RIPOR3: variants seen among roughly 807,000 people sequenced by gnomAD.
RIPOR3 encodes the protein family with sequence similarity 65 member C.
RIPOR3 carries 95 observed loss-of-function variants against 114.3 expected under a neutral mutation model. That is an observed-to-expected ratio of 0.83 (90% confidence interval 0.70 to 0.99). The LOEUF (loss-of-function observed/expected upper bound fraction) is 0.99. RIPOR3 is among the 50% of genes least tolerant of loss of function. RIPOR3 has a pLI of 0.00. For missense variants in RIPOR3, 1,252 were observed against 1,266.9 expected (o/e 0.99, Z 0.18); for synonymous variants, 575 against 543.8 (o/e 1.06, Z -0.80).
At chr20:50,634,129 A>G (rs1395158447) in intron 1 of RIPOR3, among the ~76,000 whole-genome samples, 3 of 151,870 alleles carry the variant, frequency 2.0e-5, no homozygotes. Flanking sequence ...CTACAGGCAC[A>G]CACCACCATT....
At chr20:50,629,916 C>G (rs895211088) in intron 2 of RIPOR3, among the ~76,000 whole-genome samples, 5 of 152,126 alleles carry the variant, frequency 3.3e-5, no homozygotes, top group Admixed American at 1.3e-4. Context: ...TGACCTTGGG[C>G]CAGTGGCTCC....
chr20:50,602,294 C>T lies in RIPOR3; in HGVS notation c.1437G>A (p.Glu479=). The T allele has an allele frequency of 6.2e-7, 1 of 1,613,224 alleles. No homozygotes were observed. Among genetic ancestry groups the T allele is most frequent in the Non-Finnish European group, 8.5e-7 (1 of 1,179,266 alleles). Residue 479 remains glutamate, a synonymous_variant, in exon 13 of 22, where the codon GAG becomes GAA. Coordinates refer to ENST00000327979, the MANE Select transcript of RIPOR3 (RefSeq NM_001290268.2). The surrounding 1 kb of genome is among the most constrained non-coding windows in gnomAD (Gnocchi z 4.3). ...GGGAGCCCTGTGGCAGGCTGGGGCT[C>T]TCCCCTCCTAAGTTCCTCCAGCCAG... ...EQPGWRNLGG[E]SPSLPQGSLF...
At chr20:50,626,686 C>T (rs891320975) in intron 2 of RIPOR3, among the ~76,000 whole-genome samples, 4 of 152,206 alleles carry the variant, frequency 2.6e-5, no homozygotes, top group African/African-American at 9.6e-5. Flanking sequence ...TTTGTGGGGT[C>T]TAGTGCGAAA....
chr20:50,671,373 C>T (rs1198337151), intron 1 of RIPOR3, among the ~76,000 whole-genome samples: 1 of 151,986 alleles, frequency 6.6e-6, no homozygotes, highest in Non-Finnish European at 1.5e-5. Flanking sequence ...ACAGTGACTT[C>T]CACCTTTCTC....
intron 1 of RIPOR3, among the ~76,000 whole-genome samples, chr20:50,638,801 T>C (rs1013959320): frequency 4.0e-4 from 61 of 152,046 alleles, no homozygotes; most frequent in African/African-American, 1.4e-3. Context: ...TCTCCAGCTG[T>C]AGGAGCAGTG....
Position 50,604,646 on chromosome 20 carries a change from A to G in RIPOR3, c.1085T>C (p.Leu362Pro). 1 of 1,605,914 alleles carries G rather than the reference A, an allele frequency of 6.2e-7. No individual in the cohort carries two copies. The highest frequency in any genetic ancestry group is 8.5e-7 in the Non-Finnish European group (1 of 1,176,786). Residue 362 changes from leucine (L) to proline (P), a missense_variant and splice_region_variant, in exon 12 of 22, where the codon CTG (leucine) becomes CCG (proline). Leu to Pro is a moderately conservative substitution (Grantham distance 98, BLOSUM62 -3). Coordinates refer to ENST00000327979, the MANE Select transcript of RIPOR3 (RefSeq NM_001290268.2). ...CCTGCCCCGGGAAGGCTCACTCACC[A>G]GGTAGTATCTCTCCCGGAAGCTGGG... is the stretch of plus-strand genomic sequence containing the variant. ...STPSFRERYYLSVLQQPTQQA... is the reference protein window; with the variant it reads ...STPSFRERYYPSVLQQPTQQA...
At chr20:50,648,330 G>T (rs2085488778) in intron 1 of RIPOR3, among the ~76,000 whole-genome samples, 1 of 146,638 alleles carries the variant, frequency 6.8e-6, no homozygotes, top group African/African-American at 2.6e-5. Context: ...TGGGGCTGCT[G>T]TAAAAAAAAA....
chr20:50,604,601 C>A lies in RIPOR3; in HGVS notation c.1086+44G>T, dbSNP rs1415363485. 1.7e-5 allele frequency: 26 copies of A among 1,570,502 alleles called. 1 individual carries two copies. The East Asian group carries it at 6.1e-4, about 37-fold the overall frequency. On this transcript the variant is annotated intron_variant, in intron 12 of 21. Coordinates refer to ENST00000327979, the MANE Select transcript of RIPOR3 (RefSeq NM_001290268.2). ...CCCAGCTCCTGCGTGCTGCCCCCAT[C>A]CCAGGGTGACCACAGCGGCCCTGCC...
intron 1 of RIPOR3, among the ~76,000 whole-genome samples, chr20:50,657,748 C>CATT (rs2085859877): frequency 2.7e-5 from 3 of 109,094 alleles, no homozygotes; most frequent in African/African-American, 1.1e-4. Flanking sequence ...ATGTCTTTTA[C>CATT]TTTTTTTTTT....
chr20:50,587,095 G>A lies in RIPOR3; in HGVS notation c.*137C>T, dbSNP rs576071435. 94 of 674,204 alleles carry A rather than the reference G, an allele frequency of 1.4e-4. No individual in the cohort carries two copies. Among genetic ancestry groups the A allele is most frequent in the Non-Finnish European group, 2.2e-4 (84 of 387,884 alleles). The allele number at this position is 674,204 out of a possible 1,614,324, so 41.8% of individuals were successfully genotyped here. ...ATGCCCTGGGGCTGGGTCAATGGCC[G>A]GAGTCTCAGGTAGAGCTCTGGGCAG... On this transcript the variant is annotated 3_prime_UTR_variant, in exon 22 of 22. Coordinates refer to ENST00000327979, the MANE Select transcript of RIPOR3 (RefSeq NM_001290268.2).
At chr20:50,682,612 A>ATGTGTGTGTGTATGTGTGTGTGTGTGTG (rs2086893657) in intron 1 of RIPOR3, among the ~76,000 whole-genome samples, 2 of 146,792 alleles carry the variant, frequency 1.4e-5, no homozygotes, top group Non-Finnish European at 3.0e-5. Flanking sequence ...GTCTCAAAAT[A>ATGTGTGTGTGTATGTGTGTGTGTGTGTG]TGTGTGTGTG....
chr20:50,685,751 G>A (rs2086996257), intron 1 of RIPOR3, among the ~76,000 whole-genome samples: 1 of 148,012 alleles, frequency 6.8e-6, no homozygotes, highest in Admixed American at 6.8e-5. Context: ...AACCTGGGAG[G>A]CAGAGGTTGA....
chr20:50,631,593 G>A (rs536408685), intron 1 of RIPOR3, among the ~76,000 whole-genome samples: 1 of 152,292 alleles, frequency 6.6e-6, no homozygotes, highest in South Asian at 2.1e-4. Flanking sequence ...AATGGGGCAA[G>A]GGTGACTGGG....
At chr20:50,682,123 A>C (rs150372312) in intron 1 of RIPOR3, among the ~76,000 whole-genome samples, 29 of 152,360 alleles carry the variant, frequency 1.9e-4, no homozygotes, top group African/African-American at 6.5e-4. Flanking sequence ...GCAATAGGAC[A>C]GTACAAGAAC....
At chr20:50,626,248 C>T (rs148485042) in intron 2 of RIPOR3, among the ~76,000 whole-genome samples, 1 of 152,380 alleles carries the variant, frequency 6.6e-6, no homozygotes, top group African/African-American at 2.4e-5. Flanking sequence ...CAGCTTCTTC[C>T]TTGCCCTCAC....
Position 50,602,316 on chromosome 20 carries a change from C to G in RIPOR3, c.1415G>C (p.Gly472Ala). Residue 472 changes from glycine (G) to alanine (A), a missense_variant, in exon 13 of 22, where the codon GGC becomes GCC. By Grantham distance (60) the Gly-to-Ala change is moderately conservative. Transcript: ENST00000327979. The surrounding 1 kb of genome is among the most constrained non-coding windows in gnomAD (Gnocchi z 4.3). ...LSGGPFAEQP[G>A]WRNLGGESPS... ...GCTCTCCCCTCCTAAGTTCCTCCAG[C>G]CAGGCTGCTCTGCAAACGGGCCTCC... The G allele has an allele frequency of 6.2e-7, 1 of 1,613,930 alleles. No homozygotes were observed. The highest frequency in any genetic ancestry group is 8.5e-7 in the Non-Finnish European group (1 of 1,179,986).
At chr20:50,589,146 C>T (rs1442074932) in intron 20 of RIPOR3, among the ~76,000 whole-genome samples, 2 of 142,818 alleles carry the variant, frequency 1.4e-5, no homozygotes, top group African/African-American at 2.6e-5. Flanking sequence ...ACAAAATGTT[C>T]TTATTTTGTT....
At chr20:50,632,429 C>T (rs2084848950) in intron 1 of RIPOR3, among the ~76,000 whole-genome samples, 1 of 152,304 alleles carries the variant, frequency 6.6e-6, no homozygotes, top group South Asian at 2.1e-4. Flanking sequence ...GACCCCAGCT[C>T]TGCAGGTGAG....
chr20:50,644,988 C>T (rs6096044), intron 1 of RIPOR3, among the ~76,000 whole-genome samples: 51,445 of 151,616 alleles, frequency 0.34, 9,812 homozygotes, highest in African/African-American at 0.52. Flanking sequence ...TACAAGCACA[C>T]GCCACCAAGC....
Sources: gnomAD v4.1 joint callset for allele counts (sites outside exome capture counted in the v4.1 genomes callset) on GRCh38, gnomAD v4.1.1 for gene constraint, Gnocchi (gnomAD v3.1) non-coding constraint, MANE v1.5 for transcripts, NCBI Gene and HGNC (gene_info 2026-07-23, HGNC 2026-07-21) for gene names.